ADGB: variants seen among roughly 807,000 people sequenced by gnomAD.
ADGB encodes androglobin, also known as calpain-7-like protein.
A neutral mutation model predicts 210.5 loss-of-function variants in ADGB; 172 were observed. The ratio of observed to expected loss-of-function variants is 0.82; its 90% CI spans 0.72 to 0.93. The LOEUF (loss-of-function observed/expected upper bound fraction) is 0.93. ADGB is among the 40% of genes least tolerant of loss of function. ADGB has a pLI of 0.00. For synonymous variants in ADGB, 658 were observed against 662.7 expected (o/e 0.99, Z 0.11); for missense variants, 2,025 against 1,964.8 (o/e 1.03, Z -0.58).
chr6:146,696,018 T>A (rs1301703848), intron 12 of ADGB, among the ~76,000 whole-genome samples: 1 of 152,146 alleles, frequency 6.6e-6, no homozygotes, highest in African/African-American at 2.4e-5. Flanking sequence ...AAAATTTGTG[T>A]CATTGCAGTG....
Position 146,743,861 on chromosome 6 carries a change from C to T in ADGB, c.3178-2061C>T, listed in dbSNP as rs1777192240. Among the ~76,000 whole-genome samples, 4 of 152,284 alleles carry T rather than the reference C, an allele frequency of 2.6e-5. No individual in the cohort carries two copies. In the South Asian group the frequency reaches 8.3e-4, roughly 32 times the overall value. On this transcript the variant is annotated intron_variant, in intron 25 of 35. Coordinates refer to ENST00000397944, the MANE Select transcript of ADGB (RefSeq NM_024694.4). ...CCCAGAAGACAGAGGTTGCAGTGAG[C>T]CGTGATCACGCCACTGCTTTCCAGC...
chr6:146,814,668 A>C (rs1413624081), intron 35 of ADGB, among the ~76,000 whole-genome samples: 1 of 152,222 alleles, frequency 6.6e-6, no homozygotes, highest in Non-Finnish European at 1.5e-5. Context: ...GATAGCATAC[A>C]TGTGGGGAAC....
chr6:146,788,526 GCAAAATC>G lies in ADGB; in HGVS notation c.4456_4462del (p.Lys1486ArgfsTer48). On this transcript the variant is annotated frameshift_variant, in exon 33 of 36. Coordinates refer to ENST00000397944, the MANE Select transcript of ADGB (RefSeq NM_024694.4). LOFTEE classifies it high-confidence loss of function. The stretch of plus-strand genomic sequence containing the variant: ...ATTGACCAAAGGCTTGAGGGATGTG[GCAAAATC>G]CACGAGTAGCGAAAGTGGAGGAGTG... 1 of 1,551,616 alleles carries G rather than the reference GCAAAATC, an allele frequency of 6.4e-7. No individual in the cohort carries two copies. Among genetic ancestry groups the G allele is most frequent in the Non-Finnish European group, 8.7e-7 (1 of 1,146,904 alleles).
chr6:146,681,228 T>TTGC (rs1776152958), intron 9 of ADGB, among the ~76,000 whole-genome samples: 1 of 152,128 alleles, frequency 6.6e-6, no homozygotes, highest in Non-Finnish European at 1.5e-5. Flanking sequence ...TTCATGACAG[T>TTGC]AAGTTCTTGC....
At chr6:146,685,668 G>A in intron 9 of ADGB, 66 bp from the exon 10 acceptor site, 2 of 873,614 alleles carry the variant, frequency 2.3e-6, no homozygotes, top group Non-Finnish European at 3.3e-6. Context: ...GAACAATCTG[G>A]AGTGAGCAAC....
chr6:146,709,988 A>G (rs1266473577), intron 13 of ADGB, among the ~76,000 whole-genome samples: 1 of 152,066 alleles, frequency 6.6e-6, no homozygotes, highest in Non-Finnish European at 1.5e-5. Flanking sequence ...GTTCTTCCAT[A>G]TGACTGCTAA....
At chr6:146,748,618 A>C (rs1321890464) in intron 26 of ADGB, among the ~76,000 whole-genome samples, 3 of 152,078 alleles carry the variant, frequency 2.0e-5, no homozygotes, top group Non-Finnish European at 4.4e-5. Context: ...AGACAATCTC[A>C]CTTTGTCGCC....
At chr6:146,809,669 A>T (rs907074712) in intron 35 of ADGB, among the ~76,000 whole-genome samples, 5 of 152,184 alleles carry the variant, frequency 3.3e-5, no homozygotes, top group African/African-American at 1.2e-4. Context: ...TACTCCCATA[A>T]ATGATCAACT....
rs1405278005 is a variant in ADGB, at chr6:146,813,592, CTG to C, written c.4819-1438_4819-1437del. On this transcript the variant is annotated intron_variant, in intron 35 of 35. Transcript: ENST00000397944. ...TGGACAGATATTCTGTTTAGATTCA[CTG>C]TTGTGTCCCCAGACCTTCAGAGGAA... 1.1e-4 allele frequency among the ~76,000 whole-genome samples: 17 copies of C among 151,446 alleles called. No individual in the cohort carries two copies. The South Asian group carries it at 2.1e-3, about 19-fold the overall frequency.
chr6:146,671,935 T>C (rs1193157029), intron 7 of ADGB, among the ~76,000 whole-genome samples: 1 of 152,170 alleles, frequency 6.6e-6, no homozygotes, highest in Non-Finnish European at 1.5e-5. Flanking sequence ...TCTTTCCCTG[T>C]CCTGGCTGTT....
chr6:146,656,541 C>T (rs1378663983), intron 4 of ADGB, among the ~76,000 whole-genome samples: 4 of 152,118 alleles, frequency 2.6e-5, no homozygotes, highest in African/African-American at 9.7e-5. Context: ...GCTTTCTTAG[C>T]TGAGTATGTT....
chr6:146,665,200 C>G (rs1026146491), intron 6 of ADGB, among the ~76,000 whole-genome samples: 2 of 152,014 alleles, frequency 1.3e-5, no homozygotes, highest in Non-Finnish European at 2.9e-5. Flanking sequence ...GCCCCCTCCC[C>G]TTCTATAAAC....
intron 22 of ADGB, among the ~76,000 whole-genome samples, chr6:146,736,010 T>G (rs181932507): frequency 6.6e-6 from 1 of 152,220 alleles, no homozygotes; most frequent in South Asian, 2.1e-4. Context: ...AAAAGAATGT[T>G]AGTTTCTGAT....
At chr6:146,721,104 T>C (rs565047675) in intron 16 of ADGB, among the ~76,000 whole-genome samples, 101 of 152,272 alleles carry the variant, frequency 6.6e-4, no homozygotes, top group African/African-American at 2.2e-3. Context: ...CCTCTTCTCT[T>C]TCTCATTTCT....
intron 35 of ADGB, among the ~76,000 whole-genome samples, chr6:146,813,850 C>T (rs954701058): frequency 6.6e-6 from 1 of 152,098 alleles, no homozygotes; most frequent in Non-Finnish European, 1.5e-5. Flanking sequence ...GAGTTCACTC[C>T]CATTTATGTG....
intron 10 of ADGB, among the ~76,000 whole-genome samples, chr6:146,686,331 A>G (rs976249937): frequency 7.2e-5 from 11 of 152,216 alleles, no homozygotes; most frequent in East Asian, 3.9e-4. Flanking sequence ...AACAAATTGT[A>G]GAAAATTTAG....
chr6:146,627,346 C>T lies in ADGB; in HGVS notation c.75-8029C>T, dbSNP rs918493851. Among the ~76,000 whole-genome samples, 6 of 152,106 alleles carry T rather than the reference C, an allele frequency of 3.9e-5. No homozygotes were observed. In the South Asian group the frequency reaches 1.0e-3, roughly 26 times the overall value. On this transcript the variant is annotated intron_variant, in intron 1 of 35. Transcript: ENST00000397944. ...TGGTAATTTTTTATTTTATGACAGA[C>T]ATTATGATTTTACCTTACTGGATGC...
In ADGB at chr6:146,767,273, T is replaced by G. The variant is rs561787835; in HGVS notation, c.3751-1747T>G. 3.9e-5 allele frequency among the ~76,000 whole-genome samples: 6 copies of G among 152,318 alleles called. No individual in the cohort carries two copies. In the East Asian group the frequency reaches 1.2e-3, roughly 29 times the overall value. The stretch of plus-strand genomic sequence containing the variant: ...GAACAAAATAATTAAAAGATTATTC[T>G]AAATAATCATTGAATTACTCACAGA... On this transcript the variant is annotated intron_variant, in intron 28 of 35. Coordinates refer to ENST00000397944, the MANE Select transcript of ADGB (RefSeq NM_024694.4).
chr6:146,682,235 T>C (rs1776167555), intron 9 of ADGB, among the ~76,000 whole-genome samples: 1 of 152,092 alleles, frequency 6.6e-6, no homozygotes, highest in South Asian at 2.1e-4. Flanking sequence ...AAATCAATGA[T>C]AAAAGTGGTA....
Sources: gnomAD v4.1 joint callset for allele counts (sites outside exome capture counted in the v4.1 genomes callset) on GRCh38, gnomAD v4.1.1 for gene constraint, MANE v1.5 for transcripts, NCBI Gene and HGNC (gene_info 2026-07-23, HGNC 2026-07-21) for gene names.